LAMP1: variants seen among roughly 807,000 people sequenced by gnomAD.
LAMP1 encodes the protein lysosome-associated membrane glycoprotein 1.
Under a neutral mutation model 37.5 loss-of-function variants are expected in LAMP1, and 7 were observed. The ratio of observed to expected loss-of-function variants is 0.19; its 90% CI spans 0.11 to 0.35. The LOEUF (loss-of-function observed/expected upper bound fraction) is 0.35, where lower values mean the gene tolerates loss of function less well. LAMP1 is among the 10% of genes least tolerant of loss of function. The probability of loss-of-function intolerance (pLI) is 1.00; values close to 1 mark genes in which losing one functional copy is unlikely to be tolerated. For synonymous variants in LAMP1, 236 were observed against 229.1 expected, an observed-to-expected ratio of 1.03 and a Z score of -0.27; for missense variants, 537 against 552.8, an observed-to-expected ratio of 0.97 and a Z score of 0.29.
chr13:113,313,864 G>A (rs1446492297), intron 4 of LAMP1, among the ~76,000 whole-genome samples: 3 of 123,558 alleles, frequency 2.4e-5, no homozygotes, highest in Non-Finnish European at 4.7e-5. Context: ...GGAGATGCCC[G>A]TGTGCCTGGG....
rs533358425 is a variant in LAMP1 at position 113,319,661 on chromosome 13, G to A, written c.750+5G>A. 6.2e-7 allele frequency: 1 copy of A among 1,606,608 alleles called. No individual in the cohort carries two copies. The highest frequency in any genetic ancestry group is 8.5e-7 in the Non-Finnish European group (1 of 1,177,342). On this transcript the variant is annotated splice_donor_5th_base_variant and intron_variant, in intron 5 of 8. Coordinates refer to ENST00000332556, the MANE Select transcript of LAMP1 (RefSeq NM_005561.4). ...TATGAGAGGAAGGACAACACGGTAG[G>A]GCTGGGGCCTCACCTGGGAGAGGGG...
At chr13:113,319,176 G>T (rs2042683227) in intron 4 of LAMP1, among the ~76,000 whole-genome samples, 1 of 152,228 alleles carries the variant, frequency 6.6e-6, no homozygotes, top group Non-Finnish European at 1.5e-5. Flanking sequence ...CACGGGGCTT[G>T]GGGTGTGGTG....
intron 1 of LAMP1, among the ~76,000 whole-genome samples, chr13:113,298,072 A>G (rs987032588): frequency 6.6e-6 from 1 of 152,198 alleles, no homozygotes; most frequent in Non-Finnish European, 1.5e-5. Context: ...ATTCACATGT[A>G]TGTTAAAATA....
intron 1 of LAMP1, among the ~76,000 whole-genome samples, chr13:113,302,897 T>G (rs907797725): frequency 3.9e-5 from 6 of 152,222 alleles, no homozygotes; most frequent in Admixed American, 3.9e-4. Context: ...TATGCCTTAA[T>G]CTCCCTATGA....
chr13:113,301,209 A>G (rs925968486), intron 1 of LAMP1, among the ~76,000 whole-genome samples: 4 of 152,142 alleles, frequency 2.6e-5, no homozygotes, highest in Admixed American at 1.3e-4. Context: ...TATACATACC[A>G]CAGCGAGGCA....
chr13:113,316,409 C>T (rs1595462525), intron 4 of LAMP1, among the ~76,000 whole-genome samples: 1 of 140,892 alleles, frequency 7.1e-6, no homozygotes, highest in African/African-American at 2.6e-5. Flanking sequence ...ATCTCCCACC[C>T]AATTTGGCAT....
intron 2 of LAMP1, among the ~76,000 whole-genome samples, chr13:113,307,162 TC>T (rs1386622073): frequency 2.6e-5 from 1 of 38,886 alleles, no homozygotes; most frequent in African/African-American, 3.5e-5. Flanking sequence ...TTTCTAGTTT[TC>T]TTTTTTTTTT....
intron 1 of LAMP1, among the ~76,000 whole-genome samples, chr13:113,303,801 C>G (rs890119838): frequency 2.0e-5 from 3 of 152,158 alleles, no homozygotes; most frequent in Admixed American, 2.0e-4. Context: ...CCTGGCTGGG[C>G]ATGGTGGCTT....
Position 113,322,376 on chromosome 13 carries a change from C to CTG in LAMP1, c.1209_1210insTG (p.Leu404CysfsTer69). 3 of 1,604,128 alleles carry CTG rather than the reference C, an allele frequency of 1.9e-6. No individual in the cohort carries two copies. The highest frequency in any genetic ancestry group is 2.3e-5 in the East Asian group (1 of 44,092). On this transcript the variant is annotated frameshift_variant, in exon 9 of 9. Coordinates refer to ENST00000332556, the MANE Select transcript of LAMP1 (RefSeq NM_005561.4). LOFTEE classifies it high-confidence loss of function. The stretch of plus-strand genomic sequence containing the variant: ...TGGTCCTCATCGTCCTCATCGCCTA[C>CTG]CTCGTCGGCAGGAAGAGGAGTCACG...
At chr13:113,308,974 C>G (rs74115836) in intron 2 of LAMP1, among the ~76,000 whole-genome samples, 11,947 of 152,226 alleles carry the variant, frequency 0.078, 523 homozygotes, top group Middle Eastern at 0.15. Flanking sequence ...ATGAACATTT[C>G]TATAGTAAAA....
At chr13:113,299,174 G>GA (rs947271388) in intron 1 of LAMP1, among the ~76,000 whole-genome samples, 3 of 151,828 alleles carry the variant, frequency 2.0e-5, no homozygotes, top group South Asian at 4.1e-4. Flanking sequence ...AAAATGAAGA[G>GA]AAAAAATCCA....
Position 113,320,245 on chromosome 13 carries a change from AC to A in LAMP1, c.751-99del. 1 of 1,447,086 alleles carries A rather than the reference AC, an allele frequency of 6.9e-7. No homozygotes were observed. The highest frequency in any genetic ancestry group is 9.6e-7 in the Non-Finnish European group (1 of 1,043,012). The allele number at this position is 1,447,086 out of a possible 1,614,324, so 89.6% of individuals were successfully genotyped here. A position where few individuals can be genotyped will look rare whatever the true frequency, so the allele number is the denominator to read the frequency against. On this transcript the variant is annotated intron_variant, in intron 5 of 8. Coordinates refer to ENST00000332556, the MANE Select transcript of LAMP1 (RefSeq NM_005561.4). This position sits in a 1 kb window ranked among gnomAD's most constrained non-coding sequence, Gnocchi z 4.4. ...TGTTTTCCTTCTGGTTTTGGTTAAA[AC>A]AAATGTGGCCTTGAATTCACGGTTT...
intron 4 of LAMP1, among the ~76,000 whole-genome samples, chr13:113,314,823 C>A (rs1262433039): frequency 1.0e-5 from 1 of 95,868 alleles, no homozygotes; most frequent in Non-Finnish European, 2.0e-5. Context: ...TGGAGATGCC[C>A]ATGTGCCTGG....
chr13:113,319,340 G>T, intron 4 of LAMP1, 129 bp from the exon 5 acceptor site: 1 of 821,430 alleles, frequency 1.2e-6, no homozygotes, highest in East Asian at 2.7e-5. Flanking sequence ...CACCTTGGGA[G>T]ACTGAGAAAA....
At chr13:113,312,122 C>T (rs1284226812) in intron 4 of LAMP1, among the ~76,000 whole-genome samples, 1 of 152,172 alleles carries the variant, frequency 6.6e-6, no homozygotes, top group African/African-American at 2.4e-5. Context: ...CTGCTGGGCT[C>T]CACAGGAGGA....
intron 4 of LAMP1, among the ~76,000 whole-genome samples, chr13:113,317,608 AT>A (rs1023032086): frequency 1.6e-4 from 24 of 151,390 alleles, no homozygotes; most frequent in African/African-American, 5.6e-4. Context: ...CTAGACTAGA[AT>A]TTGGACAAGA....
In LAMP1 at chr13:113,320,433, G is replaced by C. The variant is rs781006446; in HGVS notation, c.839G>C (p.Ser280Thr). 6 of 1,611,156 alleles carry C rather than the reference G, an allele frequency of 3.7e-6. No homozygotes were observed. Among genetic ancestry groups the C allele is most frequent in the Non-Finnish European group, 5.1e-6 (6 of 1,179,996 alleles). The change falls in exon 6 of 9, where the codon AGC (serine) becomes ACC (threonine). Residue 280 changes from serine (S) to threonine (T), a missense_variant. Coordinates refer to ENST00000332556, the MANE Select transcript of LAMP1 (RefSeq NM_005561.4). The surrounding 1 kb of genome is among the most constrained non-coding windows in gnomAD (Gnocchi z 4.4). ...CACCTGGTGACTCTGGAGCTGCACA[G>C]CGAGGGCACCACCGTCCTGCTCTTC... ...GAHLVTLELHSEGTTVLLFQF... is the reference protein window; with the variant it reads ...GAHLVTLELHTEGTTVLLFQF...
intron 1 of LAMP1, chr13:113,306,185 C>T (rs981040686): frequency 2.3e-5 from 5 of 222,044 alleles, no homozygotes; most frequent in African/African-American, 9.4e-5. Flanking sequence ...GTGGCAAAAC[C>T]CCGTCGCTAC....
At chr13:113,307,471 T>C (rs1387594467) in intron 2 of LAMP1, among the ~76,000 whole-genome samples, 1 of 152,198 alleles carries the variant, frequency 6.6e-6, no homozygotes, top group African/African-American at 2.4e-5. Context: ...GTTTTCTTCG[T>C]GATTGTCTTT....
Sources: gnomAD v4.1 joint callset for allele counts (sites outside exome capture counted in the v4.1 genomes callset) on GRCh38, gnomAD v4.1.1 for gene constraint, Gnocchi (gnomAD v3.1) non-coding constraint, MANE v1.5 for transcripts, NCBI Gene and HGNC (gene_info 2026-07-23, HGNC 2026-07-21) for gene names.